OTUD7A: variants seen among roughly 807,000 people sequenced by gnomAD.
The protein encoded by OTUD7A is OTU domain-containing protein 7A.
OTUD7A carries 12 observed loss-of-function variants against 65.7 expected under a neutral mutation model. The ratio of observed to expected loss-of-function variants is 0.18; its 90% CI spans 0.12 to 0.30. The LOEUF is 0.30. OTUD7A is among the 10% of genes least tolerant of loss of function. OTUD7A has a pLI of 1.00. For synonymous variants in OTUD7A, 641 were observed against 586.3 expected (o/e 1.09, Z -1.35); for missense variants, 1,148 against 1,304.8 (o/e 0.88, Z 1.85).
chr15:31,528,245 C>T (rs543785042), intron 6 of OTUD7A, among the ~76,000 whole-genome samples: 7 of 152,188 alleles, frequency 4.6e-5, no homozygotes, highest in African/African-American at 1.4e-4. Flanking sequence ...TCTGCTGTGG[C>T]GTGAATGGAG....
intron 10 of OTUD7A, among the ~76,000 whole-genome samples, chr15:31,494,576 G>A (rs1032066880): frequency 2.6e-5 from 4 of 152,210 alleles, no homozygotes; most frequent in African/African-American, 9.7e-5. Flanking sequence ...AAACTCTCAG[G>A]CTGAGAGAGC....
chr15:31,865,127 C>G (rs1567061954), intron 1 of OTUD7A, among the ~76,000 whole-genome samples: 1 of 152,146 alleles, frequency 6.6e-6, no homozygotes, highest in South Asian at 2.1e-4. Flanking sequence ...ATGATTCTTT[C>G]AAGAGATGGT....
chr15:31,626,363 A>G (rs1406113303), intron 3 of OTUD7A, among the ~76,000 whole-genome samples: 2 of 152,178 alleles, frequency 1.3e-5, no homozygotes, highest in African/African-American at 4.8e-5. Context: ...GTGACAAAGA[A>G]AGTAGGGTAA....
At chr15:31,747,212 G>A (rs531150499) in intron 1 of OTUD7A, among the ~76,000 whole-genome samples, 4 of 152,040 alleles carry the variant, frequency 2.6e-5, no homozygotes, top group South Asian at 4.2e-4. Flanking sequence ...TGTGCAGATC[G>A]GGGCTGAAAG....
At chr15:31,641,704 AAAT>A (rs1182429130) in intron 3 of OTUD7A, among the ~76,000 whole-genome samples, 2 of 152,222 alleles carry the variant, frequency 1.3e-5, no homozygotes, top group African/African-American at 4.8e-5. Context: ...TTATTTTAAA[AAAT>A]AATGCAATTA....
Position 31,498,060 on chromosome 15 carries a change from A to C in OTUD7A, c.1171+3630T>G, listed in dbSNP as rs893058200. 2.0e-5 allele frequency among the ~76,000 whole-genome samples: 3 copies of C among 152,202 alleles called. No homozygotes were observed. The highest frequency in any genetic ancestry group is 7.2e-5 in the African/African-American group (3 of 41,448). The stretch of plus-strand genomic sequence containing the variant: ...ACATGGGTATGCTCTGCACGGCTCT[A>C]TATCCACCCAAAGGGAAGAGGAGCT... On this transcript the variant is annotated intron_variant, in intron 10 of 12. Transcript: ENST00000307050. The surrounding 1 kb of genome is among the most constrained non-coding windows in gnomAD (Gnocchi z 4.2).
Position 31,479,931 on chromosome 15 carries a change from A to C in OTUD7A, c.*3363T>G, listed in dbSNP as rs545396521. On this transcript the variant is annotated 3_prime_UTR_variant, in exon 13 of 13. Coordinates refer to ENST00000307050, the MANE Select transcript of OTUD7A (RefSeq NM_001382637.1). ...AGTGAATACAAAGTATTCATTTAAG[A>C]GGAAAGGTGCAGTACCAAAATCCAT... 1 of 152,260 alleles carries C rather than the reference A, an allele frequency of 6.6e-6. No individual in the cohort carries two copies. The highest frequency in any genetic ancestry group is 2.4e-5 in the African/African-American group (1 of 41,470). 9.4% of individuals were successfully genotyped at this position (152,260 alleles called of 1,614,324 possible).
chr15:31,557,661 C>T (rs1888542738), intron 5 of OTUD7A: 1 of 152,214 alleles, frequency 6.6e-6, no homozygotes, highest in Non-Finnish European at 1.5e-5. Flanking sequence ...GTCCTTAAAT[C>T]CTGCCCACTC....
At chr15:31,510,921 TG>T (rs752494121) in intron 8 of OTUD7A, among the ~76,000 whole-genome samples, 1 of 32,890 alleles carries the variant, frequency 3.0e-5, no homozygotes, top group East Asian at 9.3e-4. Context: ...TATATCTATA[TG>T]TAACATATAT....
At chr15:31,730,301 G>A (rs1415185337) in intron 1 of OTUD7A, among the ~76,000 whole-genome samples, 2 of 152,154 alleles carry the variant, frequency 1.3e-5, no homozygotes, top group Non-Finnish European at 2.9e-5. Flanking sequence ...AGCCCACGGT[G>A]CCTGAGAGAC....
chr15:31,857,343 C>T lies in OTUD7A; in HGVS notation c.-100+13164G>A, dbSNP rs564746884. ...TAGCTGAACTGCCTTAGCCAGGAGC[C>T]GGGCCTCCCAGCAGGAGGCAGCACA... is the stretch of plus-strand genomic sequence containing the variant. On this transcript the variant is annotated intron_variant, in intron 1 of 12. Coordinates refer to ENST00000307050, the MANE Select transcript of OTUD7A (RefSeq NM_001382637.1). Among the ~76,000 whole-genome samples the T allele has an allele frequency of 1.1e-3, 167 of 152,260 alleles. 1 individual carries two copies. Among genetic ancestry groups the T allele is most frequent in the South Asian group, 3.5e-3 (17 of 4,814 alleles).
At chr15:31,549,135 CAAAA>C (rs568463366) in intron 5 of OTUD7A, among the ~76,000 whole-genome samples, 1 of 65,072 alleles carries the variant, frequency 1.5e-5, no homozygotes. Context: ...GGCCTTGTCT[CAAAA>C]AAAAAAAAAA....
intron 1 of OTUD7A, among the ~76,000 whole-genome samples, chr15:31,780,311 GCTT>G (rs3046534): frequency 0.15 from 22,144 of 152,070 alleles, 1,871 homozygotes; most frequent in East Asian, 0.43. Context: ...TTAAAATGGG[GCTT>G]CTTCTACAAA....
intron 1 of OTUD7A, among the ~76,000 whole-genome samples, chr15:31,827,396 T>A (rs1332301220): frequency 6.6e-6 from 1 of 152,144 alleles, no homozygotes; most frequent in Non-Finnish European, 1.5e-5. Flanking sequence ...ATGTGAACAG[T>A]ATGAGGGAAA....
Position 31,483,367 on chromosome 15 carries a change from G to C in OTUD7A, c.2729C>G (p.Thr910Ser). 7.7e-7 allele frequency: 1 copy of C among 1,298,284 alleles called. No homozygotes were observed. The highest frequency in any genetic ancestry group is 1.8e-5 in the South Asian group (1 of 54,198). The allele number at this position is 1,298,284 out of a possible 1,614,324, so 80.4% of individuals were successfully genotyped here. ...ENCAFYGRAE[T>S]EHYCSYCYRE... ...GTAGCAGTAGGAGCAGTAGTGCTCG[G>C]TCTCGGCGCGCCCGTAGAACGCACA... The change falls in exon 13 of 13, where the codon ACC (threonine) becomes AGC (serine). Residue 910 changes from threonine to serine, a missense_variant. Coordinates refer to ENST00000307050, the MANE Select transcript of OTUD7A (RefSeq NM_001382637.1).
intron 3 of OTUD7A, among the ~76,000 whole-genome samples, chr15:31,652,507 T>G (rs1891870523): frequency 6.6e-6 from 1 of 152,232 alleles, no homozygotes; most frequent in African/African-American, 2.4e-5. Context: ...AATTTAAAAC[T>G]GTGCCCTGTA....
chr15:31,847,761 TCA>T (rs1357809474), intron 1 of OTUD7A, among the ~76,000 whole-genome samples: 3 of 152,168 alleles, frequency 2.0e-5, no homozygotes, highest in Admixed American at 1.3e-4. Flanking sequence ...TTTAATTGAC[TCA>T]CAGTTCCACA....
chr15:31,483,224 A>C lies in OTUD7A; in HGVS notation c.*70T>G. 1 of 1,048,396 alleles carries C rather than the reference A, an allele frequency of 9.5e-7. No homozygotes were observed. The highest frequency in any genetic ancestry group is 1.1e-6 in the Non-Finnish European group (1 of 871,826). 64.9% of individuals were successfully genotyped at this position (1,048,396 alleles called of 1,614,324 possible). On this transcript the variant is annotated 3_prime_UTR_variant, in exon 13 of 13. Coordinates refer to ENST00000307050, the MANE Select transcript of OTUD7A (RefSeq NM_001382637.1). ...CTTCCGGTGGACCAGGGCATGTAAA[A>C]AAGACACCGACACAATGGAAAAGAA...
chr15:31,653,923 C>T (rs1891914377), intron 3 of OTUD7A, among the ~76,000 whole-genome samples: 1 of 137,926 alleles, frequency 7.3e-6, no homozygotes, highest in African/African-American at 2.7e-5. Flanking sequence ...TTCTTTACCA[C>T]ACATTTTATA....
Sources: allele counts gnomAD v4.1 joint callset (sites outside exome capture counted in the v4.1 genomes callset), GRCh38; gene constraint gnomAD v4.1.1; non-coding constraint Gnocchi (gnomAD v3.1); transcripts MANE v1.5; gene names NCBI Gene and HGNC (gene_info 2026-07-23, HGNC 2026-07-21).